DCUN1D1: variants seen among roughly 807,000 people sequenced by gnomAD.
DCUN1D1 encodes the protein defective in cullin neddylation 1 domain containing 1, also known as DCN1-like protein 1.
In DCUN1D1, 3 loss-of-function variants were observed where a neutral mutation model predicts 39.0. The ratio of observed to expected loss-of-function variants is 0.08; its 90% CI spans 0.04 to 0.20. DCUN1D1 has a LOEUF of 0.20. Ranked by LOEUF, DCUN1D1 falls within the 10% of genes least tolerant of loss-of-function variation. DCUN1D1 has a pLI of 1.00. For synonymous variants in DCUN1D1, 82 were observed against 96.3 expected, an observed-to-expected ratio of 0.85 and a Z score of 0.87; for missense variants, 158 against 302.4, an observed-to-expected ratio of 0.52 and a Z score of 3.54.
At chr3:182,961,404 A>ATTAATAAC (rs892616351) in intron 3 of DCUN1D1, 48 bp from the exon 4 acceptor site, 2 of 1,479,824 alleles carry the variant, frequency 1.4e-6, no homozygotes, top group African/African-American at 2.9e-5. Flanking sequence ...TTCACTATAA[A>ATTAATAAC]TTAATAACTT....
intron 4 of DCUN1D1, among the ~76,000 whole-genome samples, chr3:182,948,336 A>C (rs1198711267): frequency 6.6e-6 from 1 of 152,194 alleles, no homozygotes; most frequent in African/African-American, 2.4e-5. Context: ...AGACAATATA[A>C]ATGACTTTTT....
In DCUN1D1 at chr3:182,965,578, A is replaced by G; in HGVS notation, c.179T>C (p.Leu60Ser). 1 of 1,613,802 alleles carries G rather than the reference A, an allele frequency of 6.2e-7. No homozygotes were observed. Among genetic ancestry groups the G allele is most frequent in the Non-Finnish European group, 8.5e-7 (1 of 1,179,804 alleles). Residue 60 changes from leucine (L) to serine (S), a missense_variant, in exon 2 of 7, where the codon TTG becomes TCG. This residue lies in a region of DCUN1D1 where 107 missense variants were observed against 174.7 expected (regional missense o/e 0.61). Coordinates refer to ENST00000292782, the MANE Select transcript of DCUN1D1 (RefSeq NM_020640.4). ...CAGCTGTTCTAACTTCTTCCTGTCC[A>G]ATGATCCTTTTACACTCTCTCGTAT... Reference protein sequence around the residue: ...LYIRESVKGSLDRKKLEQLYN... With the variant: ...LYIRESVKGSSDRKKLEQLYN...
intron 3 of DCUN1D1, among the ~76,000 whole-genome samples, chr3:182,963,044 T>C (rs1175118344): frequency 1.3e-5 from 2 of 152,142 alleles, no homozygotes; most frequent in Non-Finnish European, 2.9e-5. Flanking sequence ...CCTCCCAAAG[T>C]GCTGGAACTA....
intron 1 of DCUN1D1, among the ~76,000 whole-genome samples, chr3:182,972,193 T>C (rs912821777): frequency 6.6e-6 from 1 of 151,538 alleles, no homozygotes; most frequent in Admixed American, 6.6e-5. Context: ...GGCTATAATC[T>C]ATAGTTTTAA....
At position 182,944,004 on chromosome 3, in the gene DCUN1D1, G is replaced by A. The variant is rs955415222; in HGVS notation, c.*1090C>T. On this transcript the variant is annotated 3_prime_UTR_variant, in exon 7 of 7. Transcript: ENST00000292782. The stretch of plus-strand genomic sequence containing the variant: ...AATTTCAACAAAATAATAAGTCATC[G>A]AAAATGGACTATTTGTCTGAAAGAG... 7 of 152,556 alleles carry A rather than the reference G, an allele frequency of 4.6e-5. No homozygotes were observed. The highest frequency in any genetic ancestry group is 2.0e-4 in the Admixed American group (3 of 15,278). The allele number at this position is 152,556 out of a possible 1,614,324, so 9.5% of individuals were successfully genotyped here.
intron 1 of DCUN1D1, among the ~76,000 whole-genome samples, chr3:182,975,691 A>C (rs571848406): frequency 4.1e-4 from 60 of 146,902 alleles, no homozygotes; most frequent in African/African-American, 1.4e-3. Context: ...TTAAAAAAAA[A>C]AAAAAACAAA....
intron 3 of DCUN1D1, among the ~76,000 whole-genome samples, chr3:182,962,916 G>C (rs1042329830): frequency 2.0e-5 from 3 of 152,122 alleles, no homozygotes; most frequent in African/African-American, 7.2e-5. Flanking sequence ...AAGTAGCTGG[G>C]ATTACAGGCA....
Position 182,945,234 on chromosome 3 carries a change from C to A in DCUN1D1, c.701-61G>T, listed in dbSNP as rs1577154739. 3.8e-6 allele frequency: 5 copies of A among 1,301,160 alleles called. No individual in the cohort carries two copies. The East Asian group carries it at 1.2e-4, about 30-fold the overall frequency. 80.6% of individuals were successfully genotyped at this position (1,301,160 alleles called of 1,614,324 possible). On this transcript the variant is annotated intron_variant, in intron 6 of 6. Transcript: ENST00000292782. ...GGGAAAAAAGCAGAAATAAGGCTAA[C>A]ATTTTAGTAGAATCCTTTTTTTAAG...
intron 4 of DCUN1D1, among the ~76,000 whole-genome samples, chr3:182,948,653 T>C (rs1726542854): frequency 6.6e-6 from 1 of 152,200 alleles, no homozygotes; most frequent in Non-Finnish European, 1.5e-5. Context: ...AACTTAAAAG[T>C]CCTTTTATTG....
intron 1 of DCUN1D1, among the ~76,000 whole-genome samples, chr3:182,966,043 A>G (rs1303420684): frequency 6.6e-6 from 1 of 152,112 alleles, no homozygotes; most frequent in African/African-American, 2.4e-5. Flanking sequence ...GAAAGGCTGC[A>G]GAAGGGAAGC....
upstream of DCUN1D1, chr3:182,980,784 C>T (rs1728512891): frequency 6.4e-6 from 1 of 157,198 alleles, no homozygotes; most frequent in Admixed American, 6.5e-5. Context: ...GCGCCGACAT[C>T]CTCCTGCCGC....
At position 182,943,114 on chromosome 3, in the gene DCUN1D1, GAAAAAAAA is replaced by G. The variant is rs57297234; in HGVS notation, c.*1972_*1979del. 8.3e-4 allele frequency: 45 copies of G among 54,390 alleles called. 1 individual carries two copies. Among genetic ancestry groups the G allele is most frequent in the African/African-American group, 2.7e-3 (39 of 14,690 alleles). 3.4% of individuals were successfully genotyped at this position (54,390 alleles called of 1,614,324 possible). A position where few individuals can be genotyped will look rare whatever the true frequency, so the allele number is the denominator to read the frequency against. On this transcript the variant is annotated 3_prime_UTR_variant, in exon 7 of 7. Coordinates refer to ENST00000292782, the MANE Select transcript of DCUN1D1 (RefSeq NM_020640.4). ...ACTTTTAAAGAAAACACTTTATATT[GAAAAAAAA>G]AAAAAAAAAAAAAAGCTAATGGGAT...
At chr3:182,979,162 C>T (rs540803620) in intron 1 of DCUN1D1, among the ~76,000 whole-genome samples, 1 of 152,174 alleles carries the variant, frequency 6.6e-6, no homozygotes, top group South Asian at 2.1e-4. Context: ...ATACATTAAC[C>T]TGCACTTTAA....
rs929209917 is a variant in DCUN1D1, at chr3:182,942,240, T to C, written c.*2854A>G. On this transcript the variant is annotated 3_prime_UTR_variant, in exon 7 of 7. Coordinates refer to ENST00000292782, the MANE Select transcript of DCUN1D1 (RefSeq NM_020640.4). ...TAAATGTAGTAAACAAGACTTGGCA[T>C]GTCTTTTCTCCCCAAAACATGCCAT... 2 of 152,180 alleles carry C rather than the reference T, an allele frequency of 1.3e-5. No homozygotes were observed. The highest frequency in any genetic ancestry group is 2.9e-5 in the Non-Finnish European group (2 of 68,008). 9.4% of individuals were successfully genotyped at this position (152,180 alleles called of 1,614,324 possible). A position where few individuals can be genotyped will look rare whatever the true frequency, so the allele number is the denominator to read the frequency against.
rs575501104 is a variant in DCUN1D1 at position 182,945,947 on chromosome 3, GAAGAA to G, written c.701-779_701-775del. Among the ~76,000 whole-genome samples the G allele has an allele frequency of 2.2e-4, 34 of 152,138 alleles. 1 individual carries two copies. In the South Asian group the frequency reaches 6.9e-3, roughly 31 times the overall value. The stretch of plus-strand genomic sequence containing the variant: ...GGAAGATTATAAACGACAACGAAAT[GAAGAA>G]AAGAAATAACATCATCCCTGATTAG... On this transcript the variant is annotated intron_variant, in intron 6 of 6. Transcript: ENST00000292782.
At chr3:182,951,153 C>T (rs1577163993) in intron 4 of DCUN1D1, among the ~76,000 whole-genome samples, 1 of 151,574 alleles carries the variant, frequency 6.6e-6, no homozygotes, top group African/African-American at 2.4e-5. Flanking sequence ...ACTCAACATA[C>T]AATTGTCTGG....
chr3:182,975,851 T>TAAAAAAA (rs533263687), intron 1 of DCUN1D1, among the ~76,000 whole-genome samples: 1 of 66,818 alleles, frequency 1.5e-5, no homozygotes, highest in African/African-American at 6.0e-5. Flanking sequence ...CCAGATATGC[T>TAAAAAAA]AAAAAAAAAA....
chr3:182,980,092 C>CA, intron 1 of DCUN1D1: 1 of 930,010 alleles, frequency 1.1e-6, no homozygotes, highest in Non-Finnish European at 1.3e-6. Flanking sequence ...CCCCAGACCC[C>CA]AGTCCCCGAC....
chr3:182,972,542 C>T (rs1476092078), intron 1 of DCUN1D1, among the ~76,000 whole-genome samples: 1 of 151,788 alleles, frequency 6.6e-6, no homozygotes, highest in African/African-American at 2.4e-5. Flanking sequence ...TTTGGGAGGT[C>T]GAGGGAGGAG....
Sources: gnomAD v4.1 joint callset for allele counts (sites outside exome capture counted in the v4.1 genomes callset) on GRCh38, gnomAD v4.1.1 for gene constraint, gnomAD v4.1.1 regional missense constraint, MANE v1.5 for transcripts, NCBI Gene and HGNC (gene_info 2026-07-23, HGNC 2026-07-21) for gene names.